KCNN2: variants seen among roughly 807,000 people sequenced by gnomAD.
KCNN2 encodes potassium calcium-activated channel subfamily N member 2.
Under a neutral mutation model 55.5 loss-of-function variants are expected in KCNN2, and 24 were observed. The observed-to-expected ratio is 0.43, with a 90% CI of 0.31 to 0.61. The LOEUF is 0.61. Ranked by LOEUF, KCNN2 falls within the 20% of genes least tolerant of loss-of-function variation. The probability of loss-of-function intolerance (pLI) is 0.08; values close to 1 mark genes in which losing one functional copy is unlikely to be tolerated. For missense variants in KCNN2, 754 were observed against 853.6 expected, an observed-to-expected ratio of 0.88 and a Z score of 1.45; for synonymous variants, 431 against 336.1, an observed-to-expected ratio of 1.28 and a Z score of -3.09.
intron 2 of KCNN2, among the ~76,000 whole-genome samples, chr5:114,388,291 T>G (rs191688849): frequency 8.5e-5 from 13 of 152,350 alleles, no homozygotes; most frequent in African/African-American, 3.1e-4. Context: ...AACATTCATT[T>G]CTTTCTCTGG....
chr5:114,413,548 A>C (rs1487282673), intron 3 of KCNN2, among the ~76,000 whole-genome samples: 3 of 152,124 alleles, frequency 2.0e-5, no homozygotes, highest in Non-Finnish European at 4.4e-5. Flanking sequence ...AGGCCTCTCA[A>C]AGTGCTGGGA....
intron 1 of KCNN2, among the ~76,000 whole-genome samples, chr5:114,078,201 G>A (rs905615845): frequency 5.3e-5 from 8 of 152,156 alleles, no homozygotes; most frequent in Admixed American, 4.6e-4. Context: ...GTACCTCGAG[G>A]GTGTCGTTTT....
chr5:114,403,918 A>G (rs1438738905), intron 2 of KCNN2, among the ~76,000 whole-genome samples: 1 of 152,210 alleles, frequency 6.6e-6, no homozygotes, highest in Non-Finnish European at 1.5e-5. Context: ...TTTCTGCCAC[A>G]TTTGTCTGTG....
At chr5:114,476,418 G>C (rs553220948) in intron 5 of KCNN2, among the ~76,000 whole-genome samples, 2 of 151,812 alleles carry the variant, frequency 1.3e-5, no homozygotes, top group East Asian at 3.9e-4. Flanking sequence ...TACTCTAGTA[G>C]GCTTGCTGAC....
chr5:114,361,590 C>A (rs1757423180), upstream of KCNN2, among the ~76,000 whole-genome samples: 1 of 152,174 alleles, frequency 6.6e-6, no homozygotes, highest in African/African-American at 2.4e-5. Context: ...TGTTTTGCAG[C>A]CCTGCGAGGC....
At chr5:114,401,737 A>G (rs1278045875) in intron 2 of KCNN2, among the ~76,000 whole-genome samples, 2 of 152,300 alleles carry the variant, frequency 1.3e-5, no homozygotes, top group South Asian at 4.1e-4. Context: ...TTTCCAGGCC[A>G]TGGGACAGAA....
chr5:114,184,530 T>C (rs1753294571), intron 1 of KCNN2, among the ~76,000 whole-genome samples: 1 of 152,220 alleles, frequency 6.6e-6, no homozygotes, highest in African/African-American at 2.4e-5. Context: ...TGAGTTATAC[T>C]TTATAATTAT....
intron 3 of KCNN2, among the ~76,000 whole-genome samples, chr5:114,405,927 G>T (rs1368356181): frequency 1.3e-5 from 2 of 151,712 alleles, no homozygotes; most frequent in African/African-American, 4.8e-5. Flanking sequence ...AGCTGGGATG[G>T]TCTCAATCTC....
intron 2 of KCNN2, among the ~76,000 whole-genome samples, chr5:114,238,043 C>T (rs1754540595): frequency 6.6e-6 from 1 of 152,200 alleles, no homozygotes; most frequent in Admixed American, 6.5e-5. Context: ...GCAAAGGAAG[C>T]TTAGTCATGT....
chr5:114,201,630 A>C (rs1202740007), intron 1 of KCNN2, among the ~76,000 whole-genome samples: 1 of 152,116 alleles, frequency 6.6e-6, no homozygotes, highest in Non-Finnish European at 1.5e-5. Flanking sequence ...AGTTGAATTC[A>C]TCATGAGGGC....
chr5:114,346,924 G>A (rs865806327), intron 2 of KCNN2, among the ~76,000 whole-genome samples: 4 of 152,098 alleles, frequency 2.6e-5, no homozygotes, highest in African/African-American at 9.7e-5. Flanking sequence ...AGGACACAGG[G>A]GCCAACCTGA....
At chr5:114,435,978 G>A (rs1020387270) in intron 3 of KCNN2, among the ~76,000 whole-genome samples, 6 of 152,142 alleles carry the variant, frequency 3.9e-5, no homozygotes, top group African/African-American at 1.4e-4. Context: ...TGTTTTCTCT[G>A]AAGTAGGGGT....
chr5:114,157,084 C>A (rs1303775144), intron 1 of KCNN2, among the ~76,000 whole-genome samples: 9 of 151,398 alleles, frequency 5.9e-5, no homozygotes, highest in Non-Finnish European at 1.3e-4. Context: ...ATACATGTGC[C>A]ATGTTTGTGT....
intron 1 of KCNN2, among the ~76,000 whole-genome samples, chr5:114,153,662 A>C (rs958077452): frequency 1.8e-4 from 28 of 152,186 alleles, no homozygotes; most frequent in African/African-American, 5.5e-4. Flanking sequence ...GGTGGATAGT[A>C]AGCAGCCATC....
At chr5:114,317,079 T>G (rs1034187083) in intron 2 of KCNN2, among the ~76,000 whole-genome samples, 1 of 152,204 alleles carries the variant, frequency 6.6e-6, no homozygotes, top group Admixed American at 6.5e-5. Context: ...CTTCCTTCAA[T>G]TCCTTCATCT....
In KCNN2 at chr5:114,451,740, C is replaced by CA. The variant is rs561375608; in HGVS notation, c.1638-11302dup. On this transcript the variant is annotated intron_variant, in intron 3 of 7. Coordinates refer to ENST00000673685, the MANE Select transcript of KCNN2 (RefSeq NM_021614.4). ...TGAAACCCCATCTCTACTAAAAATA[C>CA]AAAAAAATTAGCCAGGCATGGTAGC... Among the ~76,000 whole-genome samples the CA allele has an allele frequency of 2.0e-4, 30 of 151,814 alleles. No individual in the cohort carries two copies. In the South Asian group the frequency reaches 4.0e-3, roughly 20 times the overall value.
chr5:114,120,031 G>A (rs1481323214), intron 1 of KCNN2, among the ~76,000 whole-genome samples: 1 of 152,084 alleles, frequency 6.6e-6, no homozygotes, highest in Non-Finnish European at 1.5e-5. Context: ...GGGCATATAA[G>A]AAATCTATGC....
intron 2 of KCNN2, among the ~76,000 whole-genome samples, chr5:114,387,799 A>G (rs555039871): frequency 1.6e-4 from 24 of 152,282 alleles, no homozygotes; most frequent in Non-Finnish European, 1.6e-4. Context: ...CATTTCAGAG[A>G]TGTTCATTCT....
chr5:114,414,580 A>G (rs1759247115), intron 3 of KCNN2, among the ~76,000 whole-genome samples: 1 of 152,188 alleles, frequency 6.6e-6, no homozygotes, highest in Non-Finnish European at 1.5e-5. Context: ...TCAAAATCCC[A>G]TGAGTCAATA....
Sources: allele counts gnomAD v4.1 joint callset (sites outside exome capture counted in the v4.1 genomes callset), GRCh38; gene constraint gnomAD v4.1.1; transcripts MANE v1.5; gene names NCBI Gene and HGNC (gene_info 2026-07-23, HGNC 2026-07-21).